Variants in PAWR observed in about 807,000 individuals in gnomAD.
The protein encoded by PAWR is PRKC apoptosis WT1 regulator protein.
In PAWR, 23 loss-of-function variants were observed where a neutral mutation model predicts 32.0. The observed-to-expected ratio is 0.72, with a 90% confidence interval of 0.52 to 1.02. The LOEUF (loss-of-function observed/expected upper bound fraction) is 1.02, where lower values mean the gene tolerates loss of function less well. PAWR is among the 50% of genes least tolerant of loss of function. PAWR has a pLI of 0.00. For missense variants in PAWR, 457 were observed against 437.7 expected, an observed-to-expected ratio of 1.04 and a Z score of -0.39; for synonymous variants, 226 against 187.1, an observed-to-expected ratio of 1.21 and a Z score of -1.70.
intron 2 of PAWR, among the ~76,000 whole-genome samples, chr12:79,632,541 G>A (rs1875758913): frequency 6.7e-6 from 1 of 149,654 alleles, no homozygotes; most frequent in African/African-American, 2.5e-5. Context: ...GTTTTGTTTT[G>A]TTTAGTTTTT....
At chr12:79,651,264 G>C (rs753319328) in intron 2 of PAWR, among the ~76,000 whole-genome samples, 3 of 151,552 alleles carry the variant, frequency 2.0e-5, no homozygotes, top group Admixed American at 1.3e-4. Flanking sequence ...CTAAGTGACC[G>C]AACAAAAAAA....
intron 2 of PAWR, among the ~76,000 whole-genome samples, chr12:79,672,723 CAAAA>C (rs774547367): frequency 8.0e-6 from 1 of 125,132 alleles, no homozygotes; most frequent in Non-Finnish European, 1.7e-5. Context: ...AATGTATCAC[CAAAA>C]AAAAAAAAAA....
chr12:79,607,076 G>A (rs983014645), intron 4 of PAWR, among the ~76,000 whole-genome samples: 7 of 152,120 alleles, frequency 4.6e-5, no homozygotes, highest in Non-Finnish European at 7.3e-5. Context: ...AAAGGTCACT[G>A]CTATTGCATG....
At chr12:79,650,253 A>G (rs1381881407) in intron 2 of PAWR, among the ~76,000 whole-genome samples, 3 of 152,230 alleles carry the variant, frequency 2.0e-5, no homozygotes, top group African/African-American at 4.8e-5. Context: ...ATTTCATTTT[A>G]TGACACATTT....
At position 79,585,334 on chromosome 12, in the gene PAWR, T is replaced by C. The variant is rs1398412764; in HGVS notation, c.*7273A>G. On this transcript the variant is annotated 3_prime_UTR_variant, in exon 7 of 7. Transcript: ENST00000328827. The stretch of plus-strand genomic sequence containing the variant: ...ACAGATTGAGCCCCATCTGCAAAGT[T>C]TGTGACTCAAGTGTTGGGTGGGGCC... The C allele has an allele frequency of 2.1e-5, 5 of 240,986 alleles. No individual in the cohort carries two copies. Among genetic ancestry groups the C allele is most frequent in the East Asian group, 1.2e-4 (1 of 8,054 alleles). The allele number at this position is 240,986 out of a possible 1,614,324, so 14.9% of individuals were successfully genotyped here.
intron 2 of PAWR, among the ~76,000 whole-genome samples, chr12:79,622,032 A>G (rs970756332): frequency 4.6e-5 from 7 of 151,860 alleles, no homozygotes; most frequent in African/African-American, 1.7e-4. Context: ...ACAAAAACAA[A>G]AACAAAAAAA....
intron 2 of PAWR, among the ~76,000 whole-genome samples, chr12:79,684,644 C>G (rs2463108): frequency 0.23 from 34,907 of 151,782 alleles, 10,813 homozygotes; most frequent in African/African-American, 0.71. Context: ...AAGAAAAAAA[C>G]AAAGAAAATA....
chr12:79,690,476 T>TG, intron 1 of PAWR, 85 bp from the exon 2 acceptor site: 1 of 838,192 alleles, frequency 1.2e-6, no homozygotes, highest in Non-Finnish European at 1.6e-6. Context: ...CTGCGCCCCT[T>TG]GGAGTCCTCG....
chr12:79,632,290 TATATACATATATATATACATAC>T lies in PAWR; in HGVS notation c.517-11105_517-11084del, dbSNP rs1249972379. 3.8e-3 allele frequency: 216 copies of T among 56,394 alleles called. 18 individuals carry two copies. In the African/African-American group the frequency reaches 0.047, roughly 12 times the overall value. The allele number at this position is 56,394 out of a possible 1,614,324, so 3.5% of individuals were successfully genotyped here. On this transcript the variant is annotated intron_variant, in intron 2 of 6. Coordinates refer to ENST00000328827, the MANE Select transcript of PAWR (RefSeq NM_002583.4). ...ATGCACTAGAGTCCAGAAATAGAAA[TATATACATATATATATACATAC>T]ATATATATATATATATATATATATA...
chr12:79,675,666 T>C (rs928174744), intron 2 of PAWR, among the ~76,000 whole-genome samples: 2 of 152,128 alleles, frequency 1.3e-5, no homozygotes, highest in Admixed American at 6.5e-5. Flanking sequence ...TTTTCAGTTA[T>C]AAGACGGAGC....
In PAWR at chr12:79,690,399, G is replaced by A. The variant is rs1415298328; in HGVS notation, c.-147-8C>T. On this transcript the variant is annotated splice_polypyrimidine_tract_variant and splice_region_variant and intron_variant, in intron 1 of 6. Coordinates refer to ENST00000328827, the MANE Select transcript of PAWR (RefSeq NM_002583.4). ...CCACAGCAGCCGGCGGGGCTGAGGT[G>A]AAAGACAAAAGGGGGCGGGTAAGGG... The A allele has an allele frequency of 3.5e-5, 47 of 1,332,534 alleles. No individual in the cohort carries two copies. The highest frequency in any genetic ancestry group is 4.4e-5 in the Non-Finnish European group (46 of 1,043,548). 82.5% of individuals were successfully genotyped at this position (1,332,534 alleles called of 1,614,324 possible).
At chr12:79,603,195 C>A (rs1250540745) in intron 4 of PAWR, among the ~76,000 whole-genome samples, 1 of 151,998 alleles carries the variant, frequency 6.6e-6, no homozygotes, top group Non-Finnish European at 1.5e-5. Flanking sequence ...GTTGAGGCTG[C>A]AGTGAGCGAT....
intron 2 of PAWR, among the ~76,000 whole-genome samples, chr12:79,657,368 C>A (rs1048170308): frequency 6.6e-6 from 1 of 151,358 alleles, no homozygotes; most frequent in African/African-American, 2.4e-5. Flanking sequence ...TGTTGAATTG[C>A]ACACTGCAAA....
rs762112346 is a variant in PAWR at position 79,652,110 on chromosome 12, G to A, written c.517-30903C>T. Among the ~76,000 whole-genome samples, 102 of 152,184 alleles carry A rather than the reference G, an allele frequency of 6.7e-4. 2 individuals are homozygous for A. Among genetic ancestry groups the A allele is most frequent in the South Asian group, 3.5e-3 (17 of 4,824 alleles). ...GGGGGGTGGGAAATTAGGAGTTATT[G>A]TTTACTAGATACGTAGTTTCAGTTT... On this transcript the variant is annotated intron_variant, in intron 2 of 6. Coordinates refer to ENST00000328827, the MANE Select transcript of PAWR (RefSeq NM_002583.4).
At chr12:79,660,600 T>C (rs1877301905) in intron 2 of PAWR, among the ~76,000 whole-genome samples, 1 of 151,398 alleles carries the variant, frequency 6.6e-6, no homozygotes, top group Admixed American at 6.6e-5. Context: ...TTTTTTTTTT[T>C]TGAGATGGAG....
chr12:79,611,350 T>C (rs910980272), intron 4 of PAWR, among the ~76,000 whole-genome samples: 2 of 149,006 alleles, frequency 1.3e-5, no homozygotes, highest in African/African-American at 4.9e-5. Flanking sequence ...CAGTTATATA[T>C]ATATAAAAAA....
intron 2 of PAWR, among the ~76,000 whole-genome samples, chr12:79,629,995 G>A (rs1166923298): frequency 2.0e-5 from 3 of 151,458 alleles, no homozygotes; most frequent in African/African-American, 7.3e-5. Context: ...TTATAACAAT[G>A]AATATTTATT....
intron 2 of PAWR, among the ~76,000 whole-genome samples, chr12:79,686,838 T>C (rs2430866): frequency 0.2 from 29,853 of 152,156 alleles, 7,759 homozygotes; most frequent in African/African-American, 0.59. Flanking sequence ...TTCATTAAGA[T>C]GGCTTTTAAA....
chr12:79,649,590 C>T (rs555453975), intron 2 of PAWR, among the ~76,000 whole-genome samples: 83 of 152,114 alleles, frequency 5.5e-4, no homozygotes, highest in Non-Finnish European at 1.0e-3. Flanking sequence ...AGTACAAGAC[C>T]AGCCCGGTGC....
Sources: gnomAD v4.1 joint callset for allele counts (sites outside exome capture counted in the v4.1 genomes callset) on GRCh38, gnomAD v4.1.1 for gene constraint, MANE v1.5 for transcripts, NCBI Gene and HGNC (gene_info 2026-07-23, HGNC 2026-07-21) for gene names.